Variants in SMAP2 observed in about 807,000 individuals in gnomAD.
SMAP2 encodes stromal membrane-associated protein 2.
SMAP2 carries 25 observed loss-of-function variants against 56.4 expected under a neutral mutation model. The observed-to-expected ratio is 0.44, with a 90% CI of 0.32 to 0.62. The LOEUF is 0.62. Ranked by LOEUF, SMAP2 falls within the 20% of genes least tolerant of loss-of-function variation. The probability of loss-of-function intolerance (pLI) is 0.04; values close to 1 mark genes in which losing one functional copy is unlikely to be tolerated. For missense variants in SMAP2, 388 were observed against 545.6 expected, an observed-to-expected ratio of 0.71 and a Z score of 2.88; for synonymous variants, 157 against 181.7, an observed-to-expected ratio of 0.86 and a Z score of 1.09.
intron 1 of SMAP2, among the ~76,000 whole-genome samples, chr1:40,358,778 G>T (rs1020232202): frequency 1.1e-4 from 16 of 152,152 alleles, no homozygotes; most frequent in South Asian, 6.2e-4. Flanking sequence ...TTTCTTTGTT[G>T]GTTTTCTGTC....
Position 40,409,833 on chromosome 1 carries a change from A to G in SMAP2, c.400A>G (p.Arg134Gly), listed in dbSNP as rs1486288057. 19 of 1,602,742 alleles carry G rather than the reference A, an allele frequency of 1.2e-5. No homozygotes were observed. The highest frequency in any genetic ancestry group is 1.6e-5 in the Non-Finnish European group (19 of 1,169,640). ...CCGAAGTCTGGACATCAATGCCTTT[A>G]GGGTTGGTTATACATCTTTCAAGTT... is the stretch of plus-strand genomic sequence containing the variant. ...MDRSLDINAF[R>G]KEKDDKWKRG... Residue 134 changes from arginine (R) to glycine (G), a missense_variant and splice_region_variant, in exon 4 of 10, where the codon AGG (arginine) becomes GGG (glycine). By Grantham distance (125) the Arg-to-Gly change is moderately radical. Transcript: ENST00000372718.
intron 1 of SMAP2, among the ~76,000 whole-genome samples, chr1:40,356,401 T>TG: frequency 6.7e-6 from 1 of 149,424 alleles, no homozygotes; most frequent in Non-Finnish European, 1.5e-5. Flanking sequence ...TTTGTGGGTT[T>TG]TTTGTTTTTT....
At chr1:40,383,222 G>A (rs527924943) in intron 1 of SMAP2, among the ~76,000 whole-genome samples, 7 of 152,212 alleles carry the variant, frequency 4.6e-5, no homozygotes, top group Non-Finnish European at 7.3e-5. Flanking sequence ...CTGGAAGTCC[G>A]AGTGGTCTGG....
rs1047723331 is a variant in SMAP2, at chr1:40,379,507, C to T, written c.103+5284C>T. Among the ~76,000 whole-genome samples, 5 of 149,076 alleles carry T rather than the reference C, an allele frequency of 3.4e-5. No individual in the cohort carries two copies. In the South Asian group the frequency reaches 1.1e-3, roughly 32 times the overall value. Reference sequence around the variant, plus strand: ...TAAGGCTGTGACCAAGTTATCTTGACTAAGTAGAAAGCTATTCTTAAATGA... The same window carrying T: ...TAAGGCTGTGACCAAGTTATCTTGATTAAGTAGAAAGCTATTCTTAAATGA... On this transcript the variant is annotated intron_variant, in intron 1 of 9. Coordinates refer to ENST00000372718, the MANE Select transcript of SMAP2 (RefSeq NM_022733.3).
At position 40,393,840 on chromosome 1, in the gene SMAP2, C is replaced by T. The variant is rs529567513; in HGVS notation, c.104-12896C>T. Among the ~76,000 whole-genome samples the T allele has an allele frequency of 1.1e-4, 16 of 152,210 alleles. 1 individual carries two copies. The highest frequency in any genetic ancestry group is 3.4e-3 in the Middle Eastern group (1 of 292). On this transcript the variant is annotated intron_variant, in intron 1 of 9. Coordinates refer to ENST00000372718, the MANE Select transcript of SMAP2 (RefSeq NM_022733.3). Reference sequence around the variant, plus strand: ...GGATTAAGGCGTGAGGCACCGCGCCCGGCCACTTCTAACCTTTTTAAGGAG... The same window carrying T: ...GGATTAAGGCGTGAGGCACCGCGCCTGGCCACTTCTAACCTTTTTAAGGAG...
intron 1 of SMAP2, among the ~76,000 whole-genome samples, chr1:40,376,139 C>A (rs1288288042): frequency 6.6e-6 from 1 of 151,746 alleles, no homozygotes; most frequent in African/African-American, 2.4e-5. Flanking sequence ...TTAGTAGAGA[C>A]AGGGTTTCAC....
rs765713335 is a variant in SMAP2, at chr1:40,374,670, A to C, written c.103+447A>C. On this transcript the variant is annotated intron_variant, in intron 1 of 9. Transcript: ENST00000372718. The surrounding 1 kb of genome is among the most constrained non-coding windows in gnomAD (Gnocchi z 5.9). ...GACGAGGAGGAGGAGGAGGGAAGTG[A>C]GATGGCGGAAAGGAAAACTGCTTAA... The C allele has an allele frequency of 2.7e-5, 42 of 1,549,766 alleles. No individual in the cohort carries two copies. The highest frequency in any genetic ancestry group is 2.0e-4 in the Admixed American group (10 of 50,902).
At chr1:40,400,255 C>A (rs1421772610) in intron 1 of SMAP2, among the ~76,000 whole-genome samples, 3 of 152,128 alleles carry the variant, frequency 2.0e-5, no homozygotes, top group Non-Finnish European at 4.4e-5. Context: ...TGAGAGGCTG[C>A]GGAAGGAGGC....
At chr1:40,379,128 C>T (rs1396537619) in intron 1 of SMAP2, among the ~76,000 whole-genome samples, 7 of 151,802 alleles carry the variant, frequency 4.6e-5, no homozygotes, top group Admixed American at 1.3e-4. Context: ...CCCACCACCA[C>T]GCCCAGCTAA....
chr1:40,418,123 G>A (rs1337567603), intron 9 of SMAP2, among the ~76,000 whole-genome samples: 2 of 152,154 alleles, frequency 1.3e-5, no homozygotes, highest in African/African-American at 4.8e-5. Context: ...AACATTTGCA[G>A]ATAAGACAAA....
chr1:40,376,832 A>G (rs1230164841), intron 1 of SMAP2, among the ~76,000 whole-genome samples: 1 of 152,246 alleles, frequency 6.6e-6, no homozygotes, highest in East Asian at 1.9e-4. Context: ...TTGCTCATCT[A>G]TTAATATCCA....
At position 40,375,825 on chromosome 1, in the gene SMAP2, AAC is replaced by A. The variant is rs1491436571; in HGVS notation, c.103+1603_103+1604del. ...AGTCAGATGCCATTTTGGTGACTAG[AAC>A]CCCCCCCCCCATTTCTCATATTACC... On this transcript the variant is annotated intron_variant, in intron 1 of 9. Coordinates refer to ENST00000372718, the MANE Select transcript of SMAP2 (RefSeq NM_022733.3). 155 of 674,014 alleles carry A rather than the reference AAC, an allele frequency of 2.3e-4. 2 individuals carry two copies. In the African/African-American group the frequency reaches 6.1e-3, roughly 27 times the overall value. 41.8% of individuals were successfully genotyped at this position (674,014 alleles called of 1,614,324 possible). A position where few individuals can be genotyped will look rare whatever the true frequency, so the allele number is the denominator to read the frequency against.
chr1:40,391,209 G>A (rs1283628224), intron 1 of SMAP2, among the ~76,000 whole-genome samples: 2 of 152,146 alleles, frequency 1.3e-5, no homozygotes, highest in African/African-American at 4.8e-5. Context: ...ACAAAGATGG[G>A]ACTATTTGAA....
chr1:40,400,026 T>G (rs1204884221), intron 1 of SMAP2, among the ~76,000 whole-genome samples: 2 of 152,084 alleles, frequency 1.3e-5, no homozygotes, highest in Non-Finnish European at 2.9e-5. Flanking sequence ...TACAGTCGGG[T>G]TTAGACTGGG....
chr1:40,369,921 C>A, upstream of SMAP2, among the ~76,000 whole-genome samples: 1 of 40,434 alleles, frequency 2.5e-5, no homozygotes, highest in Non-Finnish European at 4.5e-5. Context: ...AACAGGCAAC[C>A]TACAAAATGG....
chr1:40,380,646 C>T (rs1644589377), intron 1 of SMAP2, among the ~76,000 whole-genome samples: 1 of 151,916 alleles, frequency 6.6e-6, no homozygotes, highest in Non-Finnish European at 1.5e-5. Context: ...TCTCCTGCCT[C>T]AGCCTCCCGA....
intron 1 of SMAP2, among the ~76,000 whole-genome samples, chr1:40,360,241 C>A (rs1320353613): frequency 6.6e-6 from 1 of 151,056 alleles, no homozygotes; most frequent in Non-Finnish European, 1.5e-5. Context: ...CTCCTGACCT[C>A]ATGATCCGCC....
At position 40,386,552 on chromosome 1, in the gene SMAP2, C is replaced by T. The variant is rs1005403454; in HGVS notation, c.103+12329C>T. Among the ~76,000 whole-genome samples the T allele has an allele frequency of 6.6e-6, 1 of 152,176 alleles. No individual in the cohort carries two copies. On this transcript the variant is annotated intron_variant, in intron 1 of 9. Transcript: ENST00000372718. The surrounding 1 kb of genome is among the most constrained non-coding windows in gnomAD (Gnocchi z 4.1). ...CAGAAGTAGCCTGACACAAGTGGCT[C>T]AGATCAAGGGTCCATATTACGGGCA... is the stretch of plus-strand genomic sequence containing the variant.
chr1:40,403,694 G>T, intron 1 of SMAP2: 1 of 968,500 alleles, frequency 1.0e-6, no homozygotes, highest in Non-Finnish European at 1.2e-6. Context: ...GGCACTGTGA[G>T]GTGAATGCTA....
Sources: gnomAD v4.1 joint callset for allele counts (sites outside exome capture counted in the v4.1 genomes callset) on GRCh38, gnomAD v4.1.1 for gene constraint, Gnocchi (gnomAD v3.1) non-coding constraint, MANE v1.5 for transcripts, NCBI Gene and HGNC (gene_info 2026-07-23, HGNC 2026-07-21) for gene names.